The following SLC9D1 variants were observed in gnomAD, a reference collection of about 807,000 sequenced individuals.
SLC9D1 encodes the protein putative LAG1-interacting protein.
chr13:113,539,278 G>A, the SLC9D1 span: 1 of 1,394,480 alleles, frequency 7.2e-7, no homozygotes, highest in Admixed American at 1.8e-5. This position sits in a 1 kb window ranked among gnomAD's most constrained non-coding sequence, Gnocchi z 4.8. Context: ...GCTCTGCTGG[G>A]TCTCGGGGTG....
chr13:113,507,504 G>A, the SLC9D1 span, among the ~76,000 whole-genome samples: 28,136 of 151,986 alleles, frequency 0.19, 3,436 homozygotes, highest in African/African-American at 0.35. Context: ...TTGCCAGAAG[G>A]CCCCTCTTAG....
the SLC9D1 span, chr13:113,549,299 G>A: frequency 1.1e-5 from 12 of 1,081,436 alleles, no homozygotes; most frequent in Admixed American, 6.4e-5. Context: ...GCGTGACTGT[G>A]CTCAGCCTCA....
At chr13:113,541,281 C>T in the SLC9D1 span, among the ~76,000 whole-genome samples, 1 of 140,698 alleles carries the variant, frequency 7.1e-6, no homozygotes, top group African/African-American at 3.1e-5. Context: ...GTGGATGATA[C>T]GCACACGATT....
At chr13:113,542,567 G>A in the SLC9D1 span, among the ~76,000 whole-genome samples, 3 of 152,252 alleles carry the variant, frequency 2.0e-5, no homozygotes, top group African/African-American at 7.2e-5. Context: ...GGCAAATTTG[G>A]AGGAAATACT....
At chr13:113,503,385 ATG>A in the SLC9D1 span, 6 of 475,178 alleles carry the variant, frequency 1.3e-5, no homozygotes, top group African/African-American at 4.7e-5. Context: ...GTGTGTGTGT[ATG>A]TGTGTTTTGG....
At chr13:113,532,818 A>G in the SLC9D1 span, among the ~76,000 whole-genome samples, 1 of 133,534 alleles carries the variant, frequency 7.5e-6, no homozygotes, top group Non-Finnish European at 1.6e-5. Flanking sequence ...GCGAGCTCTG[A>G]AGGACGCTGC....
At chr13:113,510,543 C>T in the SLC9D1 span, 1 of 897,420 alleles carries the variant, frequency 1.1e-6, no homozygotes, top group Non-Finnish European at 1.7e-6. Context: ...CCTCTTAGGA[C>T]TTTCCTAACC....
chr13:113,532,008 G>A, the SLC9D1 span, among the ~76,000 whole-genome samples: 1 of 152,228 alleles, frequency 6.6e-6, no homozygotes, highest in South Asian at 2.1e-4. Flanking sequence ...GCCTGGAGCA[G>A]ATCACCTGGT....
chr13:113,517,963 G>A, the SLC9D1 span, among the ~76,000 whole-genome samples: 1 of 152,118 alleles, frequency 6.6e-6, no homozygotes, highest in African/African-American at 2.4e-5. Context: ...AAGCAAATAT[G>A]TTACAGGTTT....
At chr13:113,510,980 GAC>G in the SLC9D1 span, among the ~76,000 whole-genome samples, 82 of 119,388 alleles carry the variant, frequency 6.9e-4, no homozygotes, top group Middle Eastern at 5.2e-3. Flanking sequence ...CTGCGGGGAG[GAC>G]AGTGGAAGCC....
chr13:113,516,861 A>T, the SLC9D1 span, among the ~76,000 whole-genome samples: 2 of 152,204 alleles, frequency 1.3e-5, no homozygotes, highest in South Asian at 4.1e-4. Flanking sequence ...TCAGAATGGC[A>T]GCTGGATTGT....
chr13:113,548,153 T>C, the SLC9D1 span: 5 of 810,220 alleles, frequency 6.2e-6, no homozygotes, highest in Admixed American at 1.4e-4. Context: ...CCTTCGGGTG[T>C]TTGGAGTGCT....
chr13:113,547,484 C>A, the SLC9D1 span: 9 of 893,138 alleles, frequency 1.0e-5, no homozygotes, highest in South Asian at 1.3e-4. Context: ...GCAGAGCCGG[C>A]CCTGCTCCTC....
At chr13:113,495,567 C>T in the SLC9D1 span, 47 of 1,524,872 alleles carry the variant, frequency 3.1e-5, no homozygotes, top group African/African-American at 4.2e-5. Context: ...GTGCCCTGCC[C>T]TCCGGACCTG....
At chr13:113,504,206 A>T in the SLC9D1 span, 3 of 152,106 alleles carry the variant, frequency 2.0e-5, no homozygotes, top group Non-Finnish European at 1.5e-5. Context: ...ACAACTGTAC[A>T]CCCTTTCTGT....
At chr13:113,548,515 C>T in the SLC9D1 span, 112 of 1,537,968 alleles carry the variant, frequency 7.3e-5, no homozygotes, top group South Asian at 7.6e-4. Context: ...GGGTTTGAGT[C>T]GGGTGTGGCG....
the SLC9D1 span, chr13:113,536,671 GC>G: frequency 1.5e-6 from 1 of 650,494 alleles, no homozygotes; most frequent in Non-Finnish European, 1.9e-6. Context: ...TGCACCTGCT[GC>G]CAGCTGCTTG....
the SLC9D1 span, among the ~76,000 whole-genome samples, chr13:113,521,302 G>A: frequency 5.0e-4 from 76 of 151,764 alleles, no homozygotes; most frequent in African/African-American, 1.7e-3. Context: ...CGTATGTGGG[G>A]TATATCTGTG....
chr13:113,500,085 AC>A, the SLC9D1 span: 1 of 1,596,498 alleles, frequency 6.3e-7, no homozygotes, highest in Non-Finnish European at 8.5e-7. Flanking sequence ...TCCCAGAACA[AC>A]CAGTATATTT....
Sources: gnomAD v4.1 joint callset for allele counts (sites outside exome capture counted in the v4.1 genomes callset) on GRCh38, gnomAD v4.1.1 for gene constraint, Gnocchi (gnomAD v3.1) non-coding constraint, MANE v1.5 for transcripts, NCBI Gene and HGNC (gene_info 2026-07-23, HGNC 2026-07-21) for gene names.